The following DSCAML1 variants were observed in gnomAD, a reference collection of about 807,000 sequenced individuals.
The protein encoded by DSCAML1 is DS cell adhesion molecule like 1.
A neutral mutation model predicts 200.5 loss-of-function variants in DSCAML1; 38 were observed. That is an observed-to-expected ratio of 0.19 (90% CI 0.15 to 0.25). DSCAML1 has a LOEUF of 0.25. Ranked by LOEUF, DSCAML1 falls within the 10% of genes least tolerant of loss-of-function variation. The pLI, the probability that DSCAML1 is intolerant of heterozygous loss-of-function variation, is 1.00. For missense variants in DSCAML1, 2,223 were observed against 2,858.8 expected, an observed-to-expected ratio of 0.78 and a Z score of 5.07; for synonymous variants, 1,215 against 1,165.0, an observed-to-expected ratio of 1.04 and a Z score of -0.87.
chr11:117,536,143 G>A (rs905855312), intron 3 of DSCAML1, among the ~76,000 whole-genome samples: 6 of 152,212 alleles, frequency 3.9e-5, no homozygotes, highest in African/African-American at 1.4e-4. Context: ...AGAAATCAGG[G>A]GTATGATGTT....
At chr11:117,546,415 C>T (rs1565780177) in intron 3 of DSCAML1, among the ~76,000 whole-genome samples, 1 of 152,222 alleles carries the variant, frequency 6.6e-6, no homozygotes, top group African/African-American at 2.4e-5. Context: ...AAGTGTTGAA[C>T]AACTGAATGA....
chr11:117,486,720 C>T (rs1429528658), intron 11 of DSCAML1, among the ~76,000 whole-genome samples: 1 of 152,046 alleles, frequency 6.6e-6, no homozygotes, highest in Non-Finnish European at 1.5e-5. Flanking sequence ...GGTGATTCCA[C>T]AGAATCCTAG....
At position 117,431,501 on chromosome 11, in the gene DSCAML1, G is replaced by T. The variant is rs1435728717; in HGVS notation, c.5374+33C>A. 8.0e-6 allele frequency: 12 copies of T among 1,506,482 alleles called. No homozygotes were observed. In the East Asian group the frequency reaches 2.3e-4, roughly 29 times the overall value. 93.3% of individuals were successfully genotyped at this position (1,506,482 alleles called of 1,614,324 possible). Reference sequence around the variant, plus strand: ...GTGAATGATGGGGAACTGGGGGGAGGTGTTCAGGATGCCAGCAGGGCCTTA... The same window carrying T: ...GTGAATGATGGGGAACTGGGGGGAGTTGTTCAGGATGCCAGCAGGGCCTTA... On this transcript the variant is annotated intron_variant, in intron 31 of 32. Coordinates refer to ENST00000651296, the MANE Select transcript of DSCAML1 (RefSeq NM_020693.4).
chr11:117,462,893 CCT>C (rs1199913313), intron 17 of DSCAML1, among the ~76,000 whole-genome samples: 4 of 152,364 alleles, frequency 2.6e-5, no homozygotes, highest in East Asian at 1.9e-4. Context: ...TCTCCCCTCT[CCT>C]CTGTTTTGAA....
At chr11:117,752,745 G>A (rs568329976) in intron 3 of DSCAML1, among the ~76,000 whole-genome samples, 31 of 152,360 alleles carry the variant, frequency 2.0e-4, no homozygotes, top group Middle Eastern at 3.4e-3. Context: ...AAATGAGGGA[G>A]AAGAAGCCTA....
chr11:117,753,658 C>T lies in DSCAML1; in HGVS notation c.511+23133G>A, dbSNP rs1269261441. Reference sequence around the variant, plus strand: ...TCAAGTGTGATGCGTGGCTAAGTTGCCACGATTCAGTCATGGTAATGAGAA... The same window carrying T: ...TCAAGTGTGATGCGTGGCTAAGTTGTCACGATTCAGTCATGGTAATGAGAA... On this transcript the variant is annotated intron_variant, in intron 3 of 32. Transcript: ENST00000651296. 3.9e-5 allele frequency among the ~76,000 whole-genome samples: 6 copies of T among 152,280 alleles called. No individual in the cohort carries two copies. The East Asian group carries it at 1.2e-3, about 29-fold the overall frequency.
chr11:117,700,463 C>T (rs1441299651), intron 3 of DSCAML1, among the ~76,000 whole-genome samples: 1 of 152,180 alleles, frequency 6.6e-6, no homozygotes, highest in Non-Finnish European at 1.5e-5. Flanking sequence ...CTCTTGTGAC[C>T]ACTAGGGAAG....
chr11:117,645,353 C>T (rs1362178138), intron 3 of DSCAML1, among the ~76,000 whole-genome samples: 3 of 152,140 alleles, frequency 2.0e-5, no homozygotes, highest in Non-Finnish European at 4.4e-5. Context: ...TCTCTCCTCC[C>T]TGGAATTAAA....
intron 15 of DSCAML1, among the ~76,000 whole-genome samples, chr11:117,471,198 G>A (rs1024675353): frequency 6.0e-5 from 9 of 151,102 alleles, no homozygotes; most frequent in Non-Finnish European, 8.8e-5. Context: ...TTGAGATGGA[G>A]TCTTCCTCTG....
intron 3 of DSCAML1, among the ~76,000 whole-genome samples, chr11:117,661,126 C>G (rs1407150290): frequency 6.6e-6 from 1 of 152,202 alleles, no homozygotes; most frequent in Non-Finnish European, 1.5e-5. Flanking sequence ...GGTCCAAGGA[C>G]TCTTTTCTTG....
At chr11:117,512,643 T>TACACACACACACACAC (rs71037481) in intron 8 of DSCAML1, among the ~76,000 whole-genome samples, 1 of 125,140 alleles carries the variant, frequency 8.0e-6, no homozygotes, top group Non-Finnish European at 1.7e-5. Flanking sequence ...CAAGCGTGTG[T>TACACACACACACACAC]ACACACACAC....
chr11:117,722,619 A>G (rs2054059249), intron 3 of DSCAML1, among the ~76,000 whole-genome samples: 6 of 152,192 alleles, frequency 3.9e-5, no homozygotes, highest in Admixed American at 3.9e-4. Flanking sequence ...TGTTACAGGT[A>G]TCACAATGTC....
At chr11:117,447,818 G>A (rs571904941) in intron 20 of DSCAML1, among the ~76,000 whole-genome samples, 4 of 152,164 alleles carry the variant, frequency 2.6e-5, no homozygotes, top group African/African-American at 4.8e-5. Context: ...TCACTGATAC[G>A]CGCGTGTGCC....
chr11:117,501,167 T>C (rs1299267884), intron 11 of DSCAML1, among the ~76,000 whole-genome samples: 2 of 151,688 alleles, frequency 1.3e-5, no homozygotes, highest in African/African-American at 2.4e-5. Context: ...AGAATTGCTA[T>C]CAGGTTGAGG....
chr11:117,430,890 A>G lies in DSCAML1; in HGVS notation c.5518T>C (p.Ser1840Pro). ...EITECFISDS[S>P]SDQMTTGTNE... ...GTGCCTGTGGTCATCTGGTCAGAGG[A>G]ACTGTCAGAGATGAAGCACTCGGTG... The change falls in exon 32 of 33, where the codon TCC (serine) becomes CCC (proline). Residue 1840 changes from serine (S) to proline (P), a missense_variant. This residue lies in a region of DSCAML1 where 96 missense variants were observed against 160.7 expected (regional missense o/e 0.60). Transcript: ENST00000651296. 1.2e-6 allele frequency: 2 copies of G among 1,614,082 alleles called. No individual in the cohort carries two copies. The highest frequency in any genetic ancestry group is 1.7e-6 in the Non-Finnish European group (2 of 1,180,018).
At chr11:117,452,980 A>G (rs1158582548) in intron 19 of DSCAML1, among the ~76,000 whole-genome samples, 1 of 152,020 alleles carries the variant, frequency 6.6e-6, no homozygotes, top group Non-Finnish European at 1.5e-5. Context: ...GCTCAGGCTG[A>G]AGTGCAGTGG....
chr11:117,699,701 T>C (rs1181689103), intron 3 of DSCAML1, among the ~76,000 whole-genome samples: 1 of 152,230 alleles, frequency 6.6e-6, no homozygotes, highest in African/African-American at 2.4e-5. Context: ...ACAGTGGCTC[T>C]GAAGGCTCCC....
At chr11:117,790,002 C>A (rs1251591761) in intron 1 of DSCAML1, among the ~76,000 whole-genome samples, 2 of 152,178 alleles carry the variant, frequency 1.3e-5, no homozygotes, top group African/African-American at 4.8e-5. Context: ...TCCAACCCTG[C>A]AAGACTTTTA....
At chr11:117,747,442 C>A (rs1206271420) in intron 3 of DSCAML1, among the ~76,000 whole-genome samples, 1 of 152,176 alleles carries the variant, frequency 6.6e-6, no homozygotes, top group Non-Finnish European at 1.5e-5. Flanking sequence ...TCAATGAGCT[C>A]TCACTGTCCT....
Sources: gnomAD v4.1 joint callset for allele counts (sites outside exome capture counted in the v4.1 genomes callset) on GRCh38, gnomAD v4.1.1 for gene constraint, gnomAD v4.1.1 regional missense constraint, MANE v1.5 for transcripts, NCBI Gene and HGNC (gene_info 2026-07-23, HGNC 2026-07-21) for gene names.